Variants in CSMD1 observed in about 807,000 individuals in gnomAD.
The protein encoded by CSMD1 is CUB and Sushi multiple domains 1, also known as CUB and sushi domain-containing protein 1.
Under a neutral mutation model 417.5 loss-of-function variants are expected in CSMD1, and 213 were observed. The observed-to-expected ratio is 0.51, with a 90% CI of 0.46 to 0.57. The LOEUF (loss-of-function observed/expected upper bound fraction) is 0.57. Ranked by LOEUF, CSMD1 falls within the 20% of genes least tolerant of loss-of-function variation. The pLI, the probability that CSMD1 is intolerant of heterozygous loss-of-function variation, is 0.00. For synonymous variants in CSMD1, 2,862 were observed against 1,736.8 expected, an observed-to-expected ratio of 1.65 and a Z score of -16.11; for missense variants, 6,923 against 4,529.7, an observed-to-expected ratio of 1.53 and a Z score of -15.17.
chr8:4,935,241 C>A (rs1807532186), intron 1 of CSMD1, among the ~76,000 whole-genome samples: 1 of 152,140 alleles, frequency 6.6e-6, no homozygotes, highest in Non-Finnish European at 1.5e-5. Context: ...TCTTCCTGCC[C>A]CACACCTTTC....
At position 3,043,976 on chromosome 8, in the gene CSMD1, T is replaced by C. The variant is rs564337738; in HGVS notation, c.7660+8486A>G. Among the ~76,000 whole-genome samples the C allele has an allele frequency of 2.0e-5, 3 of 152,302 alleles. No homozygotes were observed. The South Asian group carries it at 6.2e-4, about 32-fold the overall frequency. On this transcript the variant is annotated intron_variant, in intron 50 of 69. Coordinates refer to ENST00000635120, the MANE Select transcript of CSMD1 (RefSeq NM_033225.6). ...ATATTGGAAAGAGCTGCAAACACTC[T>C]ACAACAGCAGCTTAATGTCTACTTC...
At position 3,083,648 on chromosome 8, in the gene CSMD1, A is replaced by AT. The variant is rs34049524; in HGVS notation, c.7474+3448dup. ...TATATATATATATATATATATATAT[A>AT]TTTTTTTTTTTTTTTTTTTTTTTTT... On this transcript the variant is annotated intron_variant, in intron 49 of 69. Coordinates refer to ENST00000635120, the MANE Select transcript of CSMD1 (RefSeq NM_033225.6). Among the ~76,000 whole-genome samples the AT allele has an allele frequency of 1.8e-3, 24 of 13,580 alleles. 1 individual carries two copies. The highest frequency in any genetic ancestry group is 2.1e-3 in the Non-Finnish European group (18 of 8,396). 8.9% of individuals were successfully genotyped at this position (13,580 alleles called of 152,430 possible).
intron 52 of CSMD1, among the ~76,000 whole-genome samples, chr8:3,003,108 T>C (rs1352723628): frequency 2.0e-5 from 3 of 152,164 alleles, no homozygotes; most frequent in East Asian, 3.9e-4. Context: ...ACATTCAAAA[T>C]CTTTGACCAA....
At chr8:4,392,655 TA>T in intron 3 of CSMD1, among the ~76,000 whole-genome samples, 1 of 150,826 alleles carries the variant, frequency 6.6e-6, no homozygotes, top group East Asian at 2.0e-4. Context: ...GGGTTATTAT[TA>T]TTATTATTAT....
intron 10 of CSMD1, among the ~76,000 whole-genome samples, chr8:3,502,758 TC>T (rs1466287597): frequency 6.6e-6 from 1 of 152,168 alleles, no homozygotes; most frequent in Non-Finnish European, 1.5e-5. Context: ...ACAGTGAAAC[TC>T]TCTGTGTGAT....
chr8:3,909,531 C>G (rs1407761595), intron 5 of CSMD1, among the ~76,000 whole-genome samples: 2 of 152,102 alleles, frequency 1.3e-5, no homozygotes, highest in East Asian at 3.9e-4. Flanking sequence ...AGCGTGGTCG[C>G]TCTCCCCAGG....
chr8:4,315,851 T>G (rs540097387), intron 3 of CSMD1, among the ~76,000 whole-genome samples: 1 of 152,182 alleles, frequency 6.6e-6, no homozygotes, highest in Non-Finnish European at 1.5e-5. Flanking sequence ...TGTTTCATAT[T>G]ATATTCTCAG....
At position 3,188,952 on chromosome 8, in the gene CSMD1, C is replaced by T. The variant is rs1251765551; in HGVS notation, c.5458G>A (p.Glu1820Lys). 37 of 1,612,908 alleles carry T rather than the reference C, an allele frequency of 2.3e-5. No homozygotes were observed. The highest frequency in any genetic ancestry group is 2.9e-5 in the Non-Finnish European group (34 of 1,179,480). ...CAGTTCAAGTTGTTTCCGTATGGCT[C>T]AGGGTAGCCGGGGGACAGGATTGTA... ...RGTILSPGYP[E>K]PYGNNLNCIW... Residue 1820 changes from glutamate (E) to lysine (K), a missense_variant, in exon 35 of 70, where the codon GAG (glutamate) becomes AAG (lysine). Transcript: ENST00000635120.
At chr8:4,565,316 C>A (rs1167973708) in intron 2 of CSMD1, among the ~76,000 whole-genome samples, 1 of 152,178 alleles carries the variant, frequency 6.6e-6, no homozygotes, top group Non-Finnish European at 1.5e-5. Flanking sequence ...CAGTCTTAGG[C>A]AGTGATGGCT....
Position 3,038,343 on chromosome 8 carries a change from A to T in CSMD1, c.7661-8830T>A, listed in dbSNP as rs78384389. On this transcript the variant is annotated intron_variant, in intron 50 of 69. Transcript: ENST00000635120. The stretch of plus-strand genomic sequence containing the variant: ...TATTTTAATTACATAAAATGAGTCT[A>T]ATCCAACCCCTGGGAAGGATTTTGA... 9.3e-3 allele frequency among the ~76,000 whole-genome samples: 1,415 copies of T among 152,322 alleles called. 13 individuals are homozygous for T. Among genetic ancestry groups the T allele is most frequent in the African/African-American group, 0.033 (1,363 of 41,558 alleles).
At position 3,926,108 on chromosome 8, in the gene CSMD1, C is replaced by CACACACACACAAACACCAT. The variant is rs1809695672; in HGVS notation, c.818+71794_818+71795insATGGTGTTTGTGTGTGTGT. On this transcript the variant is annotated intron_variant, in intron 5 of 69. Transcript: ENST00000635120. Reference sequence around the variant, plus strand: ...ACACACACACACACACACACACACACACACACACACACACACACACACACT... The same window carrying CACACACACACAAACACCAT: ...ACACACACACACACACACACACACACACACACACACAAACACCATACACACACACACACACACACACACT... 1.3e-4 allele frequency among the ~76,000 whole-genome samples: 10 copies of CACACACACACAAACACCAT among 79,178 alleles called. 1 individual carries two copies. Among genetic ancestry groups the CACACACACACAAACACCAT allele is most frequent in the African/African-American group, 6.2e-5 (1 of 16,062 alleles). The allele number at this position is 79,178 out of a possible 152,430, so 51.9% of individuals were successfully genotyped here.
At chr8:4,876,044 C>G (rs1803020030) in intron 1 of CSMD1, among the ~76,000 whole-genome samples, 2 of 152,118 alleles carry the variant, frequency 1.3e-5, no homozygotes, top group Non-Finnish European at 2.9e-5. Flanking sequence ...AAAAACCTAT[C>G]AATTCAATTC....
At chr8:4,579,046 G>A (rs1585278431) in intron 2 of CSMD1, among the ~76,000 whole-genome samples, 1 of 151,686 alleles carries the variant, frequency 6.6e-6, no homozygotes, top group African/African-American at 2.4e-5. Context: ...GTTAGACACT[G>A]CAAAAGATAT....
intron 1 of CSMD1, among the ~76,000 whole-genome samples, chr8:4,703,498 T>G (rs374811285): frequency 2.0e-5 from 3 of 152,178 alleles, no homozygotes; most frequent in Non-Finnish European, 4.4e-5. Context: ...AAAACATGTA[T>G]ACTTCATGAA....
chr8:3,602,238 G>T (rs545199540), intron 8 of CSMD1, among the ~76,000 whole-genome samples: 1 of 152,174 alleles, frequency 6.6e-6, no homozygotes, highest in East Asian at 1.9e-4. Flanking sequence ...AGAACCTTCG[G>T]GGTAACTGGA....
intron 3 of CSMD1, among the ~76,000 whole-genome samples, chr8:4,307,081 G>C (rs561104135): frequency 5.3e-5 from 8 of 152,038 alleles, no homozygotes; most frequent in African/African-American, 1.9e-4. Context: ...TCCCACTATT[G>C]CCAATTTCAA....
intron 37 of CSMD1, among the ~76,000 whole-genome samples, chr8:3,177,097 G>C (rs1213292204): frequency 6.6e-6 from 1 of 152,092 alleles, no homozygotes; most frequent in South Asian, 2.1e-4. Context: ...CATTTCTAAA[G>C]GACAAACTCC....
chr8:4,388,422 A>G (rs571782877), intron 3 of CSMD1, among the ~76,000 whole-genome samples: 1 of 152,058 alleles, frequency 6.6e-6, no homozygotes, highest in Non-Finnish European at 1.5e-5. Context: ...ATGACATTGG[A>G]GACTATTTTT....
intron 26 of CSMD1, among the ~76,000 whole-genome samples, chr8:3,268,574 C>A (rs189214413): frequency 5.3e-5 from 8 of 152,160 alleles, no homozygotes; most frequent in African/African-American, 1.9e-4. Flanking sequence ...GCGTGAGCCA[C>A]CGTGCCAGGC....
Sources: allele counts gnomAD v4.1 joint callset (sites outside exome capture counted in the v4.1 genomes callset), GRCh38; gene constraint gnomAD v4.1.1; transcripts MANE v1.5; gene names NCBI Gene and HGNC (gene_info 2026-07-23, HGNC 2026-07-21).